Variants in ROBO2 observed in about 807,000 individuals in gnomAD.
ROBO2 encodes roundabout guidance receptor 2, also known as roundabout homolog 2.
ROBO2 carries 53 observed loss-of-function variants against 160.8 expected under a neutral mutation model. The ratio of observed to expected loss-of-function variants is 0.33; its 90% CI spans 0.26 to 0.41. ROBO2 has a LOEUF of 0.41. Ranked by LOEUF, ROBO2 falls within the 10% of genes least tolerant of loss-of-function variation. The probability of loss-of-function intolerance (pLI) is 1.00; values close to 1 mark genes in which losing one functional copy is unlikely to be tolerated. For missense variants in ROBO2, 1,577 were observed against 1,722.4 expected (o/e 0.92, Z 1.49); for synonymous variants, 664 against 611.7 (o/e 1.09, Z -1.26).
intron 2 of ROBO2, among the ~76,000 whole-genome samples, chr3:76,812,339 C>A (rs1301972379): frequency 3.2e-5 from 4 of 125,826 alleles, no homozygotes; most frequent in Non-Finnish European, 3.3e-5. Context: ...AAGATAAAAG[C>A]TATTTGAAAA....
intron 2 of ROBO2, among the ~76,000 whole-genome samples, chr3:75,953,513 C>G (rs560104089): frequency 2.6e-5 from 4 of 152,050 alleles, no homozygotes; most frequent in African/African-American, 9.6e-5. Flanking sequence ...TTCTCCCAAC[C>G]TGTGGCTTTT....
At chr3:76,478,784 C>T (rs9838791) in intron 2 of ROBO2, among the ~76,000 whole-genome samples, 7,556 of 150,888 alleles carry the variant, frequency 0.05, 649 homozygotes, top group African/African-American at 0.18. Flanking sequence ...AAGCAATCCT[C>T]CCACCTTAAC....
At chr3:76,941,267 C>T (rs2078168968) in intron 2 of ROBO2, among the ~76,000 whole-genome samples, 1 of 152,068 alleles carries the variant, frequency 6.6e-6, no homozygotes, top group Admixed American at 6.6e-5. Context: ...CTGTGCTTGT[C>T]CACTTGTAAT....
intron 2 of ROBO2, among the ~76,000 whole-genome samples, chr3:77,225,568 T>C (rs142257729): frequency 2.6e-4 from 40 of 152,088 alleles, no homozygotes; most frequent in African/African-American, 9.4e-4. Flanking sequence ...ACCTATTTTA[T>C]AAATTCCATA....
chr3:76,641,606 A>C (rs1206877253), intron 2 of ROBO2, among the ~76,000 whole-genome samples: 1 of 152,186 alleles, frequency 6.6e-6, no homozygotes, highest in Non-Finnish European at 1.5e-5. Flanking sequence ...TAGAAAAGAG[A>C]TGTTTGAGAA....
At chr3:76,954,770 T>G (rs1214681121) in intron 2 of ROBO2, among the ~76,000 whole-genome samples, 1 of 152,202 alleles carries the variant, frequency 6.6e-6, no homozygotes, top group East Asian at 1.9e-4. Context: ...GAAGGTAGTG[T>G]TATCACATCA....
At chr3:76,596,159 A>G (rs1183131163) in intron 2 of ROBO2, among the ~76,000 whole-genome samples, 1 of 152,164 alleles carries the variant, frequency 6.6e-6, no homozygotes, top group Non-Finnish European at 1.5e-5. Flanking sequence ...TATAAACCTG[A>G]GAATAAGTAC....
chr3:76,352,065 A>G (rs927439761), intron 2 of ROBO2, among the ~76,000 whole-genome samples: 3 of 152,006 alleles, frequency 2.0e-5, no homozygotes, highest in Non-Finnish European at 4.4e-5. Flanking sequence ...CAATAGCTCA[A>G]TGGTAATGGT....
At chr3:76,912,589 C>T (rs769436771) in intron 2 of ROBO2, among the ~76,000 whole-genome samples, 4 of 152,134 alleles carry the variant, frequency 2.6e-5, no homozygotes, top group Non-Finnish European at 4.4e-5. Flanking sequence ...TAATCGATAA[C>T]AGCCAATTGC....
intron 2 of ROBO2, among the ~76,000 whole-genome samples, chr3:76,698,994 A>G (rs1278727844): frequency 6.6e-6 from 1 of 152,202 alleles, no homozygotes; most frequent in African/African-American, 2.4e-5. Context: ...AGTAAAAATT[A>G]AAGAAATAAG....
chr3:76,026,505 A>G (rs2066751858), intron 2 of ROBO2, among the ~76,000 whole-genome samples: 1 of 151,954 alleles, frequency 6.6e-6, no homozygotes, highest in African/African-American at 2.4e-5. Context: ...AGCAGCTGTA[A>G]GGAAAAAGCA....
chr3:77,337,891 C>A (rs2066648566), intron 2 of ROBO2, among the ~76,000 whole-genome samples: 1 of 152,072 alleles, frequency 6.6e-6, no homozygotes. Flanking sequence ...GCTTCCTTGG[C>A]AGAAAACATT....
chr3:76,526,942 C>G (rs933551821), intron 2 of ROBO2, among the ~76,000 whole-genome samples: 5 of 151,948 alleles, frequency 3.3e-5, no homozygotes, highest in African/African-American at 1.2e-4. Flanking sequence ...ATATTTGTTC[C>G]TTGTAAATTA....
At chr3:77,632,601 G>A in intron 23 of ROBO2, 1 of 1,535,722 alleles carries the variant, frequency 6.5e-7, no homozygotes. Context: ...AAGCACTGGT[G>A]GCAGCAGCAG....
chr3:77,050,457 T>A (rs938871747), intron 1 of ROBO2, among the ~76,000 whole-genome samples: 6 of 152,130 alleles, frequency 3.9e-5, no homozygotes, highest in African/African-American at 1.4e-4. Flanking sequence ...AATGTAACCT[T>A]TTAAAAAGAA....
intron 2 of ROBO2, among the ~76,000 whole-genome samples, chr3:77,350,847 A>G (rs145864717): frequency 1.3e-4 from 20 of 152,300 alleles, no homozygotes; most frequent in African/African-American, 4.8e-4. Flanking sequence ...GAGGAGTCTC[A>G]GTCTTTGGTT....
At chr3:77,244,560 A>C (rs1048817596) in intron 2 of ROBO2, among the ~76,000 whole-genome samples, 1 of 152,148 alleles carries the variant, frequency 6.6e-6, no homozygotes, top group Non-Finnish European at 1.5e-5. Context: ...CCTTAGTTCC[A>C]GATATTGATA....
intron 2 of ROBO2, among the ~76,000 whole-genome samples, chr3:76,435,937 G>A (rs2076653702): frequency 6.6e-6 from 1 of 152,068 alleles, no homozygotes; most frequent in African/African-American, 2.4e-5. Context: ...AAAGGCTGAG[G>A]CTTGGCCATC....
At position 76,492,499 on chromosome 3, in the gene ROBO2, T is replaced by C. The variant is rs988834092; in HGVS notation, c.109+554897T>C. Among the ~76,000 whole-genome samples the C allele has an allele frequency of 2.6e-5, 4 of 152,038 alleles. No individual in the cohort carries two copies. In the East Asian group the frequency reaches 5.8e-4, roughly 22 times the overall value. On this transcript the variant is annotated intron_variant, in intron 2 of 26. Transcript: ENST00000487694. ...TCCAGGAAACTTACTGCACATGTTGTCTTAGATGGCAAAATTGTCACAAAT... is the reference window on the plus strand; with the variant it reads ...TCCAGGAAACTTACTGCACATGTTGCCTTAGATGGCAAAATTGTCACAAAT...
Sources: allele counts gnomAD v4.1 joint callset (sites outside exome capture counted in the v4.1 genomes callset), GRCh38; gene constraint gnomAD v4.1.1; transcripts MANE v1.5; gene names NCBI Gene and HGNC (gene_info 2026-07-23, HGNC 2026-07-21).